The following CSMD1 variants were observed in gnomAD, a reference collection of about 807,000 sequenced individuals.
CSMD1 encodes the protein CUB and Sushi multiple domains 1, also known as CUB and sushi domain-containing protein 1.
Under a neutral mutation model 417.5 loss-of-function variants are expected in CSMD1, and 213 were observed. The ratio of observed to expected loss-of-function variants is 0.51; its 90% CI spans 0.46 to 0.57. The LOEUF (loss-of-function observed/expected upper bound fraction) is 0.57. CSMD1 is among the 20% of genes least tolerant of loss of function. CSMD1 has a pLI of 0.00. For missense variants in CSMD1, 6,923 were observed against 4,529.7 expected (o/e 1.53, Z -15.17); for synonymous variants, 2,862 against 1,736.8 (o/e 1.65, Z -16.11).
intron 1 of CSMD1, among the ~76,000 whole-genome samples, chr8:4,643,280 T>C (rs901760862): frequency 1.3e-5 from 2 of 152,226 alleles, no homozygotes; most frequent in Non-Finnish European, 2.9e-5. Context: ...TGTCGATCCT[T>C]TTACTACATC....
intron 33 of CSMD1, among the ~76,000 whole-genome samples, chr8:3,197,571 T>C (rs557977590): frequency 8.6e-4 from 130 of 151,440 alleles, no homozygotes; most frequent in African/African-American, 2.8e-3. Context: ...GTTCACGCCA[T>C]TCTCCTGCCT....
chr8:4,420,632 C>T (rs546425531), intron 2 of CSMD1, among the ~76,000 whole-genome samples: 3 of 152,146 alleles, frequency 2.0e-5, no homozygotes, highest in South Asian at 4.2e-4. Context: ...CTGAGTTGGT[C>T]GTGAAACAAT....
At chr8:4,407,727 G>A (rs1409439599) in intron 3 of CSMD1, among the ~76,000 whole-genome samples, 1 of 152,104 alleles carries the variant, frequency 6.6e-6, no homozygotes, top group Non-Finnish European at 1.5e-5. Context: ...GTTTTTCCAT[G>A]ATTCATGCAT....
At chr8:4,562,510 T>C (rs1798391707) in intron 2 of CSMD1, among the ~76,000 whole-genome samples, 1 of 151,936 alleles carries the variant, frequency 6.6e-6, no homozygotes, top group African/African-American at 2.4e-5. Flanking sequence ...AAACCTGGAG[T>C]CAGTAAGAAA....
intron 1 of CSMD1, among the ~76,000 whole-genome samples, chr8:4,831,051 T>A (rs1800120902): frequency 6.6e-6 from 1 of 152,170 alleles, no homozygotes; most frequent in African/African-American, 2.4e-5. Context: ...ACCCTTTACT[T>A]CAACTCCAAC....
At chr8:3,499,984 G>C (rs1453075870) in intron 10 of CSMD1, among the ~76,000 whole-genome samples, 2 of 152,062 alleles carry the variant, frequency 1.3e-5, no homozygotes, top group Admixed American at 6.5e-5. Context: ...CCTTGGCTCA[G>C]GGCCTATGAG....
intron 1 of CSMD1, among the ~76,000 whole-genome samples, chr8:4,674,438 G>A (rs1272372627): frequency 6.6e-6 from 1 of 152,158 alleles, no homozygotes; most frequent in Non-Finnish European, 1.5e-5. Flanking sequence ...GCCAGGATGG[G>A]AAGGTCTCAA....
intron 12 of CSMD1, among the ~76,000 whole-genome samples, chr8:3,450,634 G>T (rs1357175378): frequency 6.6e-6 from 1 of 151,900 alleles, no homozygotes; most frequent in Non-Finnish European, 1.5e-5. Flanking sequence ...TCCCTATAAA[G>T]GACATGAACT....
At chr8:3,650,053 C>T (rs780035400) in intron 7 of CSMD1, among the ~76,000 whole-genome samples, 1 of 152,126 alleles carries the variant, frequency 6.6e-6, no homozygotes, top group African/African-American at 2.4e-5. Context: ...CCAAGGCGGG[C>T]AGACCACTTG....
At chr8:4,227,913 A>C (rs574463803) in intron 3 of CSMD1, among the ~76,000 whole-genome samples, 1 of 149,058 alleles carries the variant, frequency 6.7e-6, no homozygotes, top group Non-Finnish European at 1.5e-5. Flanking sequence ...CCTCCACCCC[A>C]CATTAAATCC....
At chr8:4,476,917 A>C (rs1277675136) in intron 2 of CSMD1, among the ~76,000 whole-genome samples, 7 of 152,198 alleles carry the variant, frequency 4.6e-5, no homozygotes, top group African/African-American at 1.7e-4. Flanking sequence ...AAGGGTGAAA[A>C]GAGAAAGAAA....
At chr8:4,088,174 C>A (rs115255420) in intron 3 of CSMD1, among the ~76,000 whole-genome samples, 1 of 152,168 alleles carries the variant, frequency 6.6e-6, no homozygotes, top group Non-Finnish European at 1.5e-5. Context: ...ATATTCTTCC[C>A]GTTGTTTTTA....
At chr8:4,064,451 T>A (rs1313214474) in intron 3 of CSMD1, among the ~76,000 whole-genome samples, 2 of 152,172 alleles carry the variant, frequency 1.3e-5, no homozygotes, top group Non-Finnish European at 2.9e-5. Context: ...AGTTTTAAAT[T>A]TTCATATATC....
chr8:3,968,980 G>C (rs1812882061), intron 5 of CSMD1, among the ~76,000 whole-genome samples: 1 of 152,218 alleles, frequency 6.6e-6, no homozygotes, highest in Non-Finnish European at 1.5e-5. Flanking sequence ...GGCAGGGACA[G>C]TGGCTCATAC....
At chr8:4,650,902 G>A (rs1803853903) in intron 1 of CSMD1, among the ~76,000 whole-genome samples, 1 of 152,160 alleles carries the variant, frequency 6.6e-6, no homozygotes, top group South Asian at 2.1e-4. Flanking sequence ...CTATTTAGCA[G>A]GATAATACTA....
chr8:3,770,379 A>G (rs1182569569), intron 5 of CSMD1, among the ~76,000 whole-genome samples: 3 of 152,108 alleles, frequency 2.0e-5, no homozygotes, highest in African/African-American at 7.2e-5. Context: ...AAATACAAAA[A>G]TTAGCCAGGC....
At chr8:4,416,632 A>C (rs538211463) in intron 3 of CSMD1, among the ~76,000 whole-genome samples, 99 of 152,186 alleles carry the variant, frequency 6.5e-4, no homozygotes, top group African/African-American at 2.2e-3. Context: ...TAAAGAGAAA[A>C]ATATATAAAG....
intron 5 of CSMD1, among the ~76,000 whole-genome samples, chr8:3,954,573 TG>T (rs1324918912): frequency 3.9e-5 from 6 of 152,354 alleles, no homozygotes; most frequent in African/African-American, 1.4e-4. Context: ...TTCACCGTGT[TG>T]CTCAGGCTGG....
intron 41 of CSMD1, among the ~76,000 whole-genome samples, chr8:3,129,218 T>A (rs1041722377): frequency 6.6e-6 from 1 of 152,198 alleles, no homozygotes. Context: ...GGAAAGGGGA[T>A]TTATGGGTAT....
Sources: allele counts gnomAD v4.1 joint callset (sites outside exome capture counted in the v4.1 genomes callset), GRCh38; gene constraint gnomAD v4.1.1; transcripts MANE v1.5; gene names NCBI Gene and HGNC (gene_info 2026-07-23, HGNC 2026-07-21).